The following CSMD1 variants were observed in gnomAD, a reference collection of about 807,000 sequenced individuals.
CSMD1 encodes the protein CUB and Sushi multiple domains 1, also known as CUB and sushi domain-containing protein 1.
A neutral mutation model predicts 417.5 loss-of-function variants in CSMD1; 213 were observed. The ratio of observed to expected loss-of-function variants is 0.51; its 90% CI spans 0.46 to 0.57. The LOEUF (loss-of-function observed/expected upper bound fraction) is 0.57, where lower values mean the gene tolerates loss of function less well. Ranked by LOEUF, CSMD1 falls within the 20% of genes least tolerant of loss-of-function variation. CSMD1 has a pLI of 0.00. For missense variants in CSMD1, 6,923 were observed against 4,529.7 expected (o/e 1.53, Z -15.17); for synonymous variants, 2,862 against 1,736.8 (o/e 1.65, Z -16.11).
intron 18 of CSMD1, among the ~76,000 whole-genome samples, chr8:3,373,110 A>C (rs1049057362): frequency 2.6e-5 from 4 of 152,252 alleles, no homozygotes; most frequent in Non-Finnish European, 5.9e-5. Context: ...TCTTTATCCC[A>C]AAATCTGCAT....
At chr8:3,631,391 G>A (rs943144896) in intron 7 of CSMD1, among the ~76,000 whole-genome samples, 1 of 152,190 alleles carries the variant, frequency 6.6e-6, no homozygotes, top group Non-Finnish European at 1.5e-5. Context: ...TCAGTGACTG[G>A]AGTAGCAAAG....
Position 3,649,430 on chromosome 8 carries a change from G to A in CSMD1, c.1010-32633C>T, listed in dbSNP as rs546557578. 6.6e-5 allele frequency among the ~76,000 whole-genome samples: 10 copies of A among 152,272 alleles called. No homozygotes were observed. The East Asian group carries it at 1.9e-3, about 29-fold the overall frequency. On this transcript the variant is annotated intron_variant, in intron 7 of 69. Coordinates refer to ENST00000635120, the MANE Select transcript of CSMD1 (RefSeq NM_033225.6). ...CTGCTATAAATAACTGCCTGAGACT[G>A]GGTAATTTATCAAGAGGCTGAATTG...
intron 21 of CSMD1, among the ~76,000 whole-genome samples, chr8:3,358,520 C>G (rs576556290): frequency 3.9e-4 from 60 of 152,256 alleles, no homozygotes; most frequent in Non-Finnish European, 7.6e-4. Flanking sequence ...TAAACGTCAC[C>G]CCACTGGATC....
At chr8:3,399,738 C>T (rs1049965929) in intron 15 of CSMD1, among the ~76,000 whole-genome samples, 11 of 152,174 alleles carry the variant, frequency 7.2e-5, no homozygotes, top group Non-Finnish European at 1.3e-4. Flanking sequence ...TACCTTGAAG[C>T]AAAGTTCTTT....
intron 1 of CSMD1, among the ~76,000 whole-genome samples, chr8:4,930,427 T>G (rs1807170542): frequency 6.6e-6 from 1 of 151,964 alleles, no homozygotes; most frequent in African/African-American, 2.4e-5. Context: ...TTTTGAGAAG[T>G]GGCGCTTAAA....
chr8:3,136,253 T>TC (rs1333706526), intron 41 of CSMD1, among the ~76,000 whole-genome samples: 7 of 150,766 alleles, frequency 4.6e-5, no homozygotes, highest in Non-Finnish European at 1.0e-4. Flanking sequence ...CTTTTTTTTT[T>TC]CTTTTTTTTT....
chr8:2,961,425 G>C (rs1803472565), intron 61 of CSMD1, among the ~76,000 whole-genome samples: 1 of 152,054 alleles, frequency 6.6e-6, no homozygotes, highest in Non-Finnish European at 1.5e-5. Context: ...ACTTTAAGTA[G>C]TTCAGTATGT....
At chr8:3,366,794 G>A (rs1809600756) in intron 20 of CSMD1, among the ~76,000 whole-genome samples, 1 of 152,158 alleles carries the variant, frequency 6.6e-6, no homozygotes. Context: ...TTTCAAAGAC[G>A]AGAATTCACA....
intron 5 of CSMD1, among the ~76,000 whole-genome samples, chr8:3,967,984 G>A (rs113274466): frequency 7.2e-6 from 1 of 138,348 alleles, no homozygotes; most frequent in Admixed American, 7.5e-5. Context: ...TGGCCAACAC[G>A]GTGAAACCCC....
At chr8:4,586,721 G>A (rs1256524891) in intron 2 of CSMD1, among the ~76,000 whole-genome samples, 3 of 152,126 alleles carry the variant, frequency 2.0e-5, no homozygotes, top group Non-Finnish European at 2.9e-5. Flanking sequence ...AAAGCATCAT[G>A]CCTGTGAGAG....
chr8:4,361,740 G>C lies in CSMD1; in HGVS notation c.415+58213C>G, dbSNP rs1021631445. On this transcript the variant is annotated intron_variant, in intron 3 of 69. Coordinates refer to ENST00000635120, the MANE Select transcript of CSMD1 (RefSeq NM_033225.6). Reference sequence around the variant, plus strand: ...GGAGGCCGAAGTGGGCGGATCACGAGGTCAGGAGATCGAGACCATCCTGGC... The same window carrying C: ...GGAGGCCGAAGTGGGCGGATCACGACGTCAGGAGATCGAGACCATCCTGGC... Among the ~76,000 whole-genome samples the C allele has an allele frequency of 1.5e-4, 22 of 151,628 alleles. 1 individual carries two copies. The highest frequency in any genetic ancestry group is 5.1e-4 in the African/African-American group (21 of 41,394).
chr8:3,952,222 A>C (rs1370906686), intron 5 of CSMD1, among the ~76,000 whole-genome samples: 4 of 152,168 alleles, frequency 2.6e-5, no homozygotes, highest in African/African-American at 9.7e-5. Context: ...CATAATAAGA[A>C]GATTAAGATG....
At chr8:4,914,240 G>A (rs115473058) in intron 1 of CSMD1, among the ~76,000 whole-genome samples, 2,312 of 152,210 alleles carry the variant, frequency 0.015, 30 homozygotes, top group African/African-American at 0.037. Context: ...ATGGAATTAT[G>A]CAAGTGAGTG....
intron 3 of CSMD1, among the ~76,000 whole-genome samples, chr8:4,097,577 T>C (rs1388472930): frequency 6.6e-6 from 1 of 152,200 alleles, no homozygotes; most frequent in African/African-American, 2.4e-5. Context: ...TGCAGTATGA[T>C]TCTAGTAACA....
chr8:3,228,722 C>T (rs1798658151), intron 27 of CSMD1, among the ~76,000 whole-genome samples: 1 of 151,410 alleles, frequency 6.6e-6, no homozygotes. Context: ...GGGATTAACT[C>T]GTAGTTATAT....
At chr8:3,669,380 T>A (rs1798868830) in intron 7 of CSMD1, among the ~76,000 whole-genome samples, 1 of 152,160 alleles carries the variant, frequency 6.6e-6, no homozygotes, top group Non-Finnish European at 1.5e-5. Flanking sequence ...TCCAAGGCCT[T>A]GAGCTTCTTG....
At chr8:3,662,218 G>C (rs1472746907) in intron 7 of CSMD1, among the ~76,000 whole-genome samples, 2 of 152,184 alleles carry the variant, frequency 1.3e-5, no homozygotes, top group Admixed American at 6.5e-5. Context: ...AGTGGGTTTA[G>C]GAAAACACAG....
intron 26 of CSMD1, among the ~76,000 whole-genome samples, chr8:3,238,604 T>C (rs1359017356): frequency 6.6e-6 from 1 of 151,856 alleles, no homozygotes; most frequent in African/African-American, 2.4e-5. Flanking sequence ...GGGGTGATAT[T>C]GTGGGGTTGT....
intron 3 of CSMD1, among the ~76,000 whole-genome samples, chr8:4,079,851 T>C (rs1182116569): frequency 1.3e-5 from 2 of 152,186 alleles, no homozygotes; most frequent in South Asian, 2.1e-4. Context: ...ATGGAATGTT[T>C]CTAATGACCC....
Sources: gnomAD v4.1 joint callset for allele counts (sites outside exome capture counted in the v4.1 genomes callset) on GRCh38, gnomAD v4.1.1 for gene constraint, MANE v1.5 for transcripts, NCBI Gene and HGNC (gene_info 2026-07-23, HGNC 2026-07-21) for gene names.